The following ACVRL1 variants were observed in gnomAD, a reference collection of about 807,000 sequenced individuals.
ACVRL1 encodes the protein activin A receptor like type 1.
A neutral mutation model predicts 51.9 loss-of-function variants in ACVRL1; 20 were observed. That is an observed-to-expected ratio of 0.39 (90% CI 0.27 to 0.56). The LOEUF (loss-of-function observed/expected upper bound fraction) is 0.56, where lower values mean the gene tolerates loss of function less well. ACVRL1 is among the 20% of genes least tolerant of loss of function. The pLI is 0.67. For missense variants in ACVRL1, 451 were observed against 670.3 expected (o/e 0.67, Z 3.61); for synonymous variants, 288 against 280.9 (o/e 1.03, Z -0.25).
At chr12:51,913,372 C>G in intron 3 of ACVRL1, 22 bp downstream of exon 3, 1 of 1,609,622 alleles carries the variant, frequency 6.2e-7, no homozygotes, top group South Asian at 1.1e-5. Flanking sequence ...TGCCCTAGCA[C>G]TCCCTCCCCA....
chr12:51,918,110 T>C (rs887156708), intron 8 of ACVRL1, among the ~76,000 whole-genome samples: 11 of 152,192 alleles, frequency 7.2e-5, no homozygotes, highest in African/African-American at 1.2e-4. Context: ...GGCACGGGGC[T>C]GTCTGCGGCT....
At chr12:51,916,497 G>T (rs1940844723) in intron 8 of ACVRL1, among the ~76,000 whole-genome samples, 1 of 152,238 alleles carries the variant, frequency 6.6e-6, no homozygotes, top group Admixed American at 6.5e-5. Flanking sequence ...TATTGATTGA[G>T]CTTAAATATG....
At chr12:51,920,624 A>T in intron 9 of ACVRL1, 135 bp from the exon 10 acceptor site, 4 of 961,522 alleles carry the variant, frequency 4.2e-6, no homozygotes, top group Non-Finnish European at 6.4e-6. Flanking sequence ...ATGTCTCCCC[A>T]TTACCGGCCA....
Position 51,913,365 on chromosome 12 carries a change from C to T in ACVRL1, c.313+15C>T, listed in dbSNP as rs1441568448. On this transcript the variant is annotated intron_variant, in intron 3 of 9. Transcript: ENST00000388922. ...GGTGCTGGAGGGTACGTCCAGCTGCCCTAGCACTCCCTCCCCATCTTCTTG... is the reference window on the plus strand; with the variant it reads ...GGTGCTGGAGGGTACGTCCAGCTGCTCTAGCACTCCCTCCCCATCTTCTTG... 6.2e-7 allele frequency: 1 copy of T among 1,609,696 alleles called. No individual in the cohort carries two copies. Among genetic ancestry groups the T allele is most frequent in the African/African-American group, 1.3e-5 (1 of 74,842 alleles).
chr12:51,917,347 C>G lies in ACVRL1; in HGVS notation c.1246+1114C>G, dbSNP rs949337486. On this transcript the variant is annotated intron_variant, in intron 8 of 9. Coordinates refer to ENST00000388922, the MANE Select transcript of ACVRL1 (RefSeq NM_000020.3). This position sits in a 1 kb window ranked among gnomAD's most constrained non-coding sequence, Gnocchi z 4.2. Reference sequence around the variant, plus strand: ...TGTTACTGTGGGTTGCCACAGGGGACTCTGATTTAGAGGGACTGCGACAGG... The same window carrying G: ...TGTTACTGTGGGTTGCCACAGGGGAGTCTGATTTAGAGGGACTGCGACAGG... 5.3e-5 allele frequency among the ~76,000 whole-genome samples: 8 copies of G among 152,224 alleles called. No individual in the cohort carries two copies. Among genetic ancestry groups the G allele is most frequent in the African/African-American group, 1.9e-4 (8 of 41,448 alleles).
At chr12:51,915,771 G>C in intron 7 of ACVRL1, 2 of 643,576 alleles carry the variant, frequency 3.1e-6, no homozygotes, top group South Asian at 4.0e-5. Context: ...CCAGCCTCCA[G>C]GTCTGCTCTG....
intron 3 of ACVRL1, 54 bp from the exon 4 acceptor site, chr12:51,913,505 A>C (rs1940746966): frequency 1.3e-6 from 2 of 1,559,146 alleles, no homozygotes; most frequent in South Asian, 1.2e-5. Flanking sequence ...GTCTGGCCCG[A>C]GGTGGGGGGA....
In ACVRL1 at chr12:51,907,850, C is replaced by T. The variant is rs1267407069; in HGVS notation, c.-6+155C>T. On this transcript the variant is annotated intron_variant, in intron 1 of 9. Coordinates refer to ENST00000388922, the MANE Select transcript of ACVRL1 (RefSeq NM_000020.3). This position sits in a 1 kb window ranked among gnomAD's most constrained non-coding sequence, Gnocchi z 4.5. ...AAGGCAAGCTGCTCCTGGCTGACCA[C>T]GCACAGCTCCCATGACCCTACCTGA... 6.6e-6 allele frequency among the ~76,000 whole-genome samples: 1 copy of T among 152,206 alleles called. No homozygotes were observed. Among genetic ancestry groups the T allele is most frequent in the African/African-American group, 2.4e-5 (1 of 41,458 alleles).
chr12:51,915,183 C>A (rs1382725107), intron 6 of ACVRL1, 42 bp from the exon 7 acceptor site: 3 of 1,613,104 alleles, frequency 1.9e-6, no homozygotes, highest in African/African-American at 1.3e-5. Context: ...CCTCCCTTAG[C>A]CCCAGCCCCT....
At chr12:51,914,373 A>T (rs2139070031) in intron 5 of ACVRL1, 66 bp from the exon 6 acceptor site, 1 of 1,609,042 alleles carries the variant, frequency 6.2e-7, no homozygotes, top group Middle Eastern at 1.9e-4. Context: ...CAGCATCAAG[A>T]TGGGGGGCTC....
At chr12:51,913,059 G>A (rs1198252217) in intron 2 of ACVRL1, 40 bp from the exon 3 acceptor site, 2 of 1,590,130 alleles carry the variant, frequency 1.3e-6, no homozygotes. Flanking sequence ...GCCTGGGGGA[G>A]CTGGGACCAC....
chr12:51,915,516 C>T lies in ACVRL1; in HGVS notation c.1048+16C>T, dbSNP rs1940814858. 1 of 1,600,628 alleles carries T rather than the reference C, an allele frequency of 6.2e-7. No individual in the cohort carries two copies. Reference sequence around the variant, plus strand: ...GCCGACCTGGGTGAGCCGGGCGGGGCAGGGGCGCGCCCTTCACAGGTGGGC... The same window carrying T: ...GCCGACCTGGGTGAGCCGGGCGGGGTAGGGGCGCGCCCTTCACAGGTGGGC... On this transcript the variant is annotated intron_variant, in intron 7 of 9. Coordinates refer to ENST00000388922, the MANE Select transcript of ACVRL1 (RefSeq NM_000020.3).
rs949723942 is a variant in ACVRL1 at position 51,917,381 on chromosome 12, C to A, written c.1246+1148C>A. Among the ~76,000 whole-genome samples, 3 of 152,218 alleles carry A rather than the reference C, an allele frequency of 2.0e-5. No homozygotes were observed. Among genetic ancestry groups the A allele is most frequent in the Non-Finnish European group, 4.4e-5 (3 of 68,044 alleles). On this transcript the variant is annotated intron_variant, in intron 8 of 9. Transcript: ENST00000388922. The surrounding 1 kb of genome is among the most constrained non-coding windows in gnomAD (Gnocchi z 4.2). The stretch of plus-strand genomic sequence containing the variant: ...AGAGGGACTGCGACAGGTAGAGAGA[C>A]CTGCCCTGGGCAGGCAGCCCTGAGG...
At chr12:51,915,174 C>T in intron 6 of ACVRL1, 51 bp from the exon 7 acceptor site, 1 of 1,611,466 alleles carries the variant, frequency 6.2e-7, no homozygotes, top group Admixed American at 1.7e-5. Context: ...CGACTCCAGC[C>T]TCCCTTAGCC....
At chr12:51,907,375 C>T (rs891811924), upstream of ACVRL1, 1 of 152,320 alleles carries the variant, frequency 6.6e-6, no homozygotes, top group African/African-American at 2.4e-5. This position sits in a 1 kb window ranked among gnomAD's most constrained non-coding sequence, Gnocchi z 4.5. Flanking sequence ...TCCTGCAGCC[C>T]CAGCGAGGGG....
rs1429852364 is a variant in ACVRL1 at position 51,921,867 on chromosome 12, G to C, written c.*974G>C. 6.6e-6 allele frequency: 1 copy of C among 152,088 alleles called. No homozygotes were observed. The highest frequency in any genetic ancestry group is 1.5e-5 in the Non-Finnish European group (1 of 68,076). The allele number at this position is 152,088 out of a possible 1,614,324, so 9.4% of individuals were successfully genotyped here. A position where few individuals can be genotyped will look rare whatever the true frequency, so the allele number is the denominator to read the frequency against. ...CTTGCCTCAGACTCCCGAGTAGCTG[G>C]GATTACAGGCACATGCCACCATGCC... On this transcript the variant is annotated 3_prime_UTR_variant, in exon 10 of 10. Coordinates refer to ENST00000388922, the MANE Select transcript of ACVRL1 (RefSeq NM_000020.3).
In ACVRL1 at chr12:51,915,255, A is replaced by G; in HGVS notation, c.803A>G (p.Asn268Ser). 6.2e-7 allele frequency: 1 copy of G among 1,614,014 alleles called. No homozygotes were observed. Among genetic ancestry groups the G allele is most frequent in the Non-Finnish European group, 8.5e-7 (1 of 1,180,026 alleles). ...ATCGCCTCAGACATGACCTCCCGCA[A>G]CTCGAGCACGCAGCTGTGGCTCATC... ...GFIASDMTSR[N>S]SSTQLWLITH... The change falls in exon 7 of 10, where the codon AAC becomes AGC. Residue 268 changes from asparagine (N) to serine (S), a missense_variant. Physicochemically the swap from Asn to Ser is conservative, Grantham distance 46 (BLOSUM62 1). Coordinates refer to ENST00000388922, the MANE Select transcript of ACVRL1 (RefSeq NM_000020.3).
At position 51,920,892 on chromosome 12, in the gene ACVRL1, A is replaced by G; in HGVS notation, c.1511A>G (p.Ter504TrpextTer5). The change falls in exon 10 of 10, where the codon TAG becomes TGG. Residue 504 changes from the stop codon to tryptophan, a stop_lost. Coordinates refer to ENST00000388922, the MANE Select transcript of ACVRL1 (RefSeq NM_000020.3). ...NSPEKPKVIQ* is the reference protein window; with the variant it reads ...NSPEKPKVIQW ...CCAGAGAAGCCTAAAGTGATTCAAT[A>G]GCCCAGGAGCACCTGATTCCTTTCT... 1 of 1,330,356 alleles carries G rather than the reference A, an allele frequency of 7.5e-7. No homozygotes were observed. Among genetic ancestry groups the G allele is most frequent in the Non-Finnish European group, 1.0e-6 (1 of 995,822 alleles). 82.4% of individuals were successfully genotyped at this position (1,330,356 alleles called of 1,614,324 possible).
rs889058245 is a variant in ACVRL1, at chr12:51,922,117, A to C, written c.*1224A>C. 1 of 152,178 alleles carries C rather than the reference A, an allele frequency of 6.6e-6. No individual in the cohort carries two copies. Among genetic ancestry groups the C allele is most frequent in the African/African-American group, 2.4e-5 (1 of 41,434 alleles). The allele number at this position is 152,178 out of a possible 1,614,324, so 9.4% of individuals were successfully genotyped here. A position where few individuals can be genotyped will look rare whatever the true frequency, so the allele number is the denominator to read the frequency against. ...TTTAGCTCTAGTTCTCTGACACTTC[A>C]GCCTATATCACAGCTAACTTCTTCA... On this transcript the variant is annotated 3_prime_UTR_variant, in exon 10 of 10. Coordinates refer to ENST00000388922, the MANE Select transcript of ACVRL1 (RefSeq NM_000020.3).
Sources: gnomAD v4.1 joint callset for allele counts (sites outside exome capture counted in the v4.1 genomes callset) on GRCh38, gnomAD v4.1.1 for gene constraint, Gnocchi (gnomAD v3.1) non-coding constraint, MANE v1.5 for transcripts, NCBI Gene and HGNC (gene_info 2026-07-23, HGNC 2026-07-21) for gene names.